The following ISCA1 variants were observed in gnomAD, a reference collection of about 807,000 sequenced individuals.
The protein encoded by ISCA1 is iron-sulfur cluster assembly 1.
ISCA1 carries 9 observed loss-of-function variants against 14.7 expected under a neutral mutation model. That is an observed-to-expected ratio of 0.61 (90% CI 0.37 to 1.07). The LOEUF is 1.07. Among genes scored for constraint, ISCA1 ranks in the 50% least tolerant of loss-of-function variants. The probability of loss-of-function intolerance (pLI) is 0.01; values close to 1 mark genes in which losing one functional copy is unlikely to be tolerated. For missense variants in ISCA1, 102 were observed against 150.1 expected, an observed-to-expected ratio of 0.68 and a Z score of 1.67; for synonymous variants, 38 against 54.3, an observed-to-expected ratio of 0.70 and a Z score of 1.32.
chr9:86,276,150 A>G (rs1488075957), intron 1 of ISCA1, among the ~76,000 whole-genome samples: 2 of 152,072 alleles, frequency 1.3e-5, no homozygotes, highest in African/African-American at 2.4e-5. Flanking sequence ...AGATGGCCCC[A>G]TCTAGGGGTG....
intron 3 of ISCA1, chr9:86,266,833 C>T (rs983107663): frequency 6.6e-6 from 1 of 152,058 alleles, no homozygotes; most frequent in Non-Finnish European, 1.5e-5. Context: ...TCAAGCGATC[C>T]TCCCACAGGA....
intron 1 of ISCA1, among the ~76,000 whole-genome samples, chr9:86,281,046 CTCTTCCTGGA>C (rs2131229082): frequency 6.6e-6 from 1 of 152,068 alleles, no homozygotes; most frequent in South Asian, 2.1e-4. Flanking sequence ...AACCTTCTGG[CTCTTCCTGGA>C]TCTACCATTA....
At chr9:86,281,393 A>C (rs780986636) in intron 1 of ISCA1, among the ~76,000 whole-genome samples, 1 of 152,194 alleles carries the variant, frequency 6.6e-6, no homozygotes, top group Admixed American at 6.5e-5. Flanking sequence ...TCGATGAGTC[A>C]ATTTAAATCG....
At chr9:86,279,312 A>T (rs1019410425) in intron 1 of ISCA1, among the ~76,000 whole-genome samples, 11 of 152,188 alleles carry the variant, frequency 7.2e-5, no homozygotes, top group African/African-American at 2.7e-4. Context: ...TACAAATTAG[A>T]GTTGCTCTGA....
intron 3 of ISCA1, among the ~76,000 whole-genome samples, chr9:86,268,461 C>T (rs1182582859): frequency 1.5e-5 from 2 of 133,684 alleles, no homozygotes; most frequent in Admixed American, 7.3e-5. Context: ...AAAAAAAAAA[C>T]CCCAAAGCTT....
chr9:86,280,968 C>T (rs201570284), intron 1 of ISCA1, among the ~76,000 whole-genome samples: 1 of 115,946 alleles, frequency 8.6e-6, no homozygotes, highest in African/African-American at 4.9e-5. Context: ...AAACAAAAAA[C>T]AAAAAACAAA....
intron 3 of ISCA1, among the ~76,000 whole-genome samples, chr9:86,271,535 G>T (rs1825368642): frequency 6.6e-6 from 1 of 152,156 alleles, no homozygotes. Flanking sequence ...GAGCATTTCA[G>T]ATTTCAGATT....
intron 1 of ISCA1, among the ~76,000 whole-genome samples, chr9:86,278,767 A>AT (rs1182569424): frequency 1.3e-5 from 2 of 152,238 alleles, no homozygotes; most frequent in Admixed American, 6.5e-5. Flanking sequence ...ATACATGGTA[A>AT]TAAACATATA....
chr9:86,280,594 CAA>C (rs59525482), intron 1 of ISCA1, among the ~76,000 whole-genome samples: 12 of 97,844 alleles, frequency 1.2e-4, no homozygotes, highest in Admixed American at 5.5e-4. Flanking sequence ...AACCCTGTCT[CAA>C]AAAAAAAAAA....
chr9:86,265,887 T>C lies in ISCA1; in HGVS notation c.*156A>G. 8.4e-7 allele frequency: 1 copy of C among 1,188,622 alleles called. No homozygotes were observed. The highest frequency in any genetic ancestry group is 1.7e-5 in the Admixed American group (1 of 58,898). 73.6% of individuals were successfully genotyped at this position (1,188,622 alleles called of 1,614,324 possible). A position where few individuals can be genotyped will look rare whatever the true frequency, so the allele number is the denominator to read the frequency against. On this transcript the variant is annotated 3_prime_UTR_variant, in exon 4 of 4. Coordinates refer to ENST00000375991, the MANE Select transcript of ISCA1 (RefSeq NM_030940.4). Reference sequence around the variant, plus strand: ...CTCATTTTCTGTCCCCTATAGAGAATATAAATATCATTTCTTCTGGAATCC... The same window carrying C: ...CTCATTTTCTGTCCCCTATAGAGAACATAAATATCATTTCTTCTGGAATCC...
chr9:86,277,947 T>C (rs1825459525), intron 1 of ISCA1, among the ~76,000 whole-genome samples: 1 of 152,244 alleles, frequency 6.6e-6, no homozygotes, highest in Admixed American at 6.5e-5. Flanking sequence ...ATGAATGTTT[T>C]ATCACTACTT....
chr9:86,271,530 T>C (rs1324945789), intron 3 of ISCA1, among the ~76,000 whole-genome samples: 1 of 152,224 alleles, frequency 6.6e-6, no homozygotes, highest in Non-Finnish European at 1.5e-5. Flanking sequence ...TTTGGGAGCA[T>C]TTCAGATTTC....
At chr9:86,269,562 A>C (rs914183417) in intron 3 of ISCA1, among the ~76,000 whole-genome samples, 8 of 151,946 alleles carry the variant, frequency 5.3e-5, no homozygotes, top group South Asian at 2.1e-4. Context: ...GCTACCAATG[A>C]CTTTCTTCAC....
chr9:86,280,701 T>G (rs1456293049), intron 1 of ISCA1, among the ~76,000 whole-genome samples: 1 of 151,680 alleles, frequency 6.6e-6, no homozygotes, highest in East Asian at 1.9e-4. Flanking sequence ...CTGTAATCCC[T>G]GCACACTGGG....
At chr9:86,275,691 T>C (rs940552804) in intron 1 of ISCA1, among the ~76,000 whole-genome samples, 3 of 152,236 alleles carry the variant, frequency 2.0e-5, no homozygotes, top group African/African-American at 7.2e-5. Flanking sequence ...TACATGTCAC[T>C]GTAAAAAAAC....
At chr9:86,272,297 G>C (rs1162779971) in intron 2 of ISCA1, among the ~76,000 whole-genome samples, 185 bp from the exon 3 acceptor site, 1 of 152,140 alleles carries the variant, frequency 6.6e-6, no homozygotes, top group Non-Finnish European at 1.5e-5. Flanking sequence ...TTCCACCTCG[G>C]CCTCTCAAAG....
In ISCA1 at chr9:86,282,531, G is replaced by C; in HGVS notation, c.-73C>G. 1 of 1,549,362 alleles carries C rather than the reference G, an allele frequency of 6.5e-7. No individual in the cohort carries two copies. The highest frequency in any genetic ancestry group is 1.7e-4 in the Middle Eastern group (1 of 5,980). ...TCAGCTTCTCTCCATGGACACGGCG[G>C]GCGCATTGACGCCACAAGCTTCGGC... On this transcript the variant is annotated 5_prime_UTR_variant, in exon 1 of 4. Coordinates refer to ENST00000375991, the MANE Select transcript of ISCA1 (RefSeq NM_030940.4).
chr9:86,274,476 C>T (rs965644725), intron 1 of ISCA1, among the ~76,000 whole-genome samples: 7 of 152,104 alleles, frequency 4.6e-5, no homozygotes, highest in African/African-American at 1.2e-4. Context: ...GCTCCTCAGT[C>T]CAGGTTGGTT....
intron 3 of ISCA1, among the ~76,000 whole-genome samples, chr9:86,270,647 T>C (rs1336443864): frequency 6.6e-6 from 1 of 152,088 alleles, no homozygotes; most frequent in African/African-American, 2.4e-5. Flanking sequence ...TGCACACGTA[T>C]GTTTACTGTG....
Sources: gnomAD v4.1 joint callset for allele counts (sites outside exome capture counted in the v4.1 genomes callset) on GRCh38, gnomAD v4.1.1 for gene constraint, MANE v1.5 for transcripts, NCBI Gene and HGNC (gene_info 2026-07-23, HGNC 2026-07-21) for gene names.